CRISP1: variants seen among roughly 807,000 people sequenced by gnomAD.
CRISP1 encodes cysteine-rich secretory protein 1.
Under a neutral mutation model 33.1 loss-of-function variants are expected in CRISP1, and 44 were observed. That is an observed-to-expected ratio of 1.33 (90% CI 1.05 to 1.71). The LOEUF is 1.71. CRISP1 is among the 40% of genes most tolerant of loss of function. The pLI is 0.00. For synonymous variants in CRISP1, 103 were observed against 98.7 expected (o/e 1.04, Z -0.26); for missense variants, 390 against 301.2 (o/e 1.29, Z -2.18).
chr6:49,860,949 A>T (rs1220006813), intron 1 of CRISP1, among the ~76,000 whole-genome samples: 2 of 152,138 alleles, frequency 1.3e-5, no homozygotes, highest in African/African-American at 2.4e-5. Flanking sequence ...ACAGAAGACC[A>T]CAAGACAATC....
At chr6:49,848,141 T>C in intron 4 of CRISP1, 68 bp downstream of exon 4, 1 of 921,518 alleles carries the variant, frequency 1.1e-6, no homozygotes, top group Non-Finnish European at 1.7e-6. Flanking sequence ...TCAGGGTACA[T>C]AACAATCCCT....
rs974814461 is a variant in CRISP1 at position 49,861,850 on chromosome 6, G to T, written c.-2-4448C>A. Among the ~76,000 whole-genome samples, 6 of 151,612 alleles carry T rather than the reference G, an allele frequency of 4.0e-5. No individual in the cohort carries two copies. In the East Asian group the frequency reaches 1.2e-3, roughly 29 times the overall value. On this transcript the variant is annotated intron_variant, in intron 1 of 7. Transcript: ENST00000335847. Reference sequence around the variant, plus strand: ...CAGTTAGCCAAGATCATGCCATTGCGCTCAAGCCTGGACAACAGAGCAAGA... The same window carrying T: ...CAGTTAGCCAAGATCATGCCATTGCTCTCAAGCCTGGACAACAGAGCAAGA...
chr6:49,870,292 G>C (rs535759235), upstream of CRISP1, among the ~76,000 whole-genome samples: 1 of 152,118 alleles, frequency 6.6e-6, no homozygotes, highest in Non-Finnish European at 1.5e-5. Context: ...ACTCAAACTG[G>C]GTAATTGAGG....
intron 2 of CRISP1, 25 bp from the exon 3 acceptor site, chr6:49,852,154 G>T: frequency 6.2e-7 from 1 of 1,602,484 alleles, no homozygotes; most frequent in South Asian, 1.1e-5. Flanking sequence ...ATATTAATTA[G>T]TGTTACTTCT....
intron 7 of CRISP1, 128 bp from the exon 8 acceptor site, chr6:49,835,571 A>T: frequency 4.7e-6 from 4 of 849,166 alleles, no homozygotes; most frequent in Non-Finnish European, 7.1e-6. Flanking sequence ...TTTAATTAGC[A>T]TAAGCTAACT....
upstream of CRISP1, among the ~76,000 whole-genome samples, chr6:49,870,658 T>C (rs766097783): frequency 6.6e-6 from 1 of 152,210 alleles, no homozygotes; most frequent in Non-Finnish European, 1.5e-5. Flanking sequence ...TTCAGTTTCT[T>C]GTGAGACTCA....
At chr6:49,849,744 A>G (rs768061674) in intron 3 of CRISP1, among the ~76,000 whole-genome samples, 1 of 152,058 alleles carries the variant, frequency 6.6e-6, no homozygotes, top group African/African-American at 2.4e-5. Context: ...TATAATATGT[A>G]TTTGCTGCCA....
In CRISP1 at chr6:49,853,551, A is replaced by G. The variant is rs149401854; in HGVS notation, c.67-1422T>C. ...CTTTAATGGTCACCTACTATATCTC[A>G]TGATCATCCCAAAACACCATACCTC... On this transcript the variant is annotated intron_variant, in intron 2 of 7. Coordinates refer to ENST00000335847, the MANE Select transcript of CRISP1 (RefSeq NM_001131.3). Among the ~76,000 whole-genome samples, 480 of 152,108 alleles carry G rather than the reference A, an allele frequency of 3.2e-3. 1 individual carries two copies. The highest frequency in any genetic ancestry group is 5.4e-3 in the Non-Finnish European group (367 of 67,976).
chr6:49,862,598 G>C (rs774974895), intron 1 of CRISP1, among the ~76,000 whole-genome samples: 16 of 152,164 alleles, frequency 1.1e-4, no homozygotes, highest in Admixed American at 3.3e-4. Context: ...ATGATCTCTT[G>C]AGAATGATTA....
At chr6:49,846,058 G>A (rs997519635) in intron 5 of CRISP1, among the ~76,000 whole-genome samples, 4 of 152,116 alleles carry the variant, frequency 2.6e-5, no homozygotes, top group Non-Finnish European at 5.9e-5. Flanking sequence ...TTCTGGCGAT[G>A]GCGTTGCACA....
chr6:49,857,056 T>A (rs561817950), intron 2 of CRISP1, among the ~76,000 whole-genome samples: 30 of 152,292 alleles, frequency 2.0e-4, no homozygotes, highest in African/African-American at 7.2e-4. Context: ...ATGAAATAGA[T>A]ATGGACCCAC....
chr6:49,846,759 C>T, intron 4 of CRISP1, 91 bp from the exon 5 acceptor site: 1 of 1,220,750 alleles, frequency 8.2e-7, no homozygotes, highest in South Asian at 1.5e-5. Context: ...ATGAATGGTT[C>T]ACTGATCATC....
At chr6:49,861,722 A>G (rs1028294506) in intron 1 of CRISP1, among the ~76,000 whole-genome samples, 1 of 152,044 alleles carries the variant, frequency 6.6e-6, no homozygotes, top group Non-Finnish European at 1.5e-5. Flanking sequence ...CGTCTCTACT[A>G]AAAATACAAA....
At chr6:49,868,019 C>T (rs1489309577), upstream of CRISP1, among the ~76,000 whole-genome samples, 1 of 152,262 alleles carries the variant, frequency 6.6e-6, no homozygotes, top group Non-Finnish European at 1.5e-5. Context: ...GATTCAACAT[C>T]AAGTCAAGTG....
chr6:49,865,656 C>A (rs545306917), intron 1 of CRISP1, among the ~76,000 whole-genome samples: 1 of 151,888 alleles, frequency 6.6e-6, no homozygotes, highest in African/African-American at 2.4e-5. Context: ...TCAGAGAGTA[C>A]AAAGCATTAA....
At chr6:49,858,676 G>A (rs1193163751) in intron 1 of CRISP1, among the ~76,000 whole-genome samples, 1 of 151,884 alleles carries the variant, frequency 6.6e-6, no homozygotes, top group East Asian at 1.9e-4. Context: ...CACATTTCAA[G>A]ATTTATCGTA....
Position 49,838,406 on chromosome 6 carries a change from C to G in CRISP1, c.622+31G>C, listed in dbSNP as rs150940183. ...TATGGTTCCCAGATCAATGGGTTAA[C>G]TGTAAACAAACAGAATGCAAACAAA... is the stretch of plus-strand genomic sequence containing the variant. On this transcript the variant is annotated intron_variant, in intron 7 of 7. Transcript: ENST00000335847. The G allele has an allele frequency of 2.2e-4, 335 of 1,528,294 alleles. 1 individual carries two copies. The Middle Eastern group carries it at 4.1e-3, about 19-fold the overall frequency. The allele number at this position is 1,528,294 out of a possible 1,614,324, so 94.7% of individuals were successfully genotyped here. A position where few individuals can be genotyped will look rare whatever the true frequency, so the allele number is the denominator to read the frequency against.
chr6:49,859,482 G>T (rs967788338), intron 1 of CRISP1, among the ~76,000 whole-genome samples: 3 of 150,642 alleles, frequency 2.0e-5, no homozygotes, highest in Non-Finnish European at 4.4e-5. Flanking sequence ...TAAAAAAAAA[G>T]TTTTTTCCAG....
intron 6 of CRISP1, 101 bp downstream of exon 6, chr6:49,840,797 A>G: frequency 1.2e-6 from 1 of 815,674 alleles, no homozygotes; most frequent in South Asian, 1.7e-5. Flanking sequence ...TATTATGAAT[A>G]AAGTTGCTAC....
Sources: allele counts gnomAD v4.1 joint callset (sites outside exome capture counted in the v4.1 genomes callset), GRCh38; gene constraint gnomAD v4.1.1; transcripts MANE v1.5; gene names NCBI Gene and HGNC (gene_info 2026-07-23, HGNC 2026-07-21).